CNTN6: variants seen among roughly 807,000 people sequenced by gnomAD.
CNTN6 encodes the protein contactin-6.
In CNTN6, 137 loss-of-function variants were observed where a neutral mutation model predicts 122.8. That is an observed-to-expected ratio of 1.12 (90% CI 0.97 to 1.29). The LOEUF (loss-of-function observed/expected upper bound fraction) is 1.29. Among genes scored for constraint, CNTN6 ranks in the 50% most tolerant of loss-of-function variants. The pLI is 0.00. For synonymous variants in CNTN6, 570 were observed against 426.0 expected (o/e 1.34, Z -4.16); for missense variants, 1,634 against 1,223.4 (o/e 1.34, Z -5.01).
intron 2 of CNTN6, among the ~76,000 whole-genome samples, chr3:1,211,608 C>T (rs1271299630): frequency 1.3e-5 from 2 of 152,086 alleles, no homozygotes; most frequent in Non-Finnish European, 2.9e-5. Flanking sequence ...AGCCTCTCTC[C>T]TCTAAATTAC....
At chr3:1,294,805 C>CCCTATAATG (rs1347407861) in intron 5 of CNTN6, among the ~76,000 whole-genome samples, 1 of 152,140 alleles carries the variant, frequency 6.6e-6, no homozygotes, top group Non-Finnish European at 1.5e-5. Flanking sequence ...TCTCTGGGCT[C>CCCTATAATG]CCTATAATGC....
rs192390176 is a variant in CNTN6 at position 1,101,890 on chromosome 3, C to A, written c.-83+8770C>A. 2.5e-3 allele frequency among the ~76,000 whole-genome samples: 379 copies of A among 152,216 alleles called. 3 individuals carry two copies. The highest frequency in any genetic ancestry group is 8.3e-3 in the African/African-American group (345 of 41,520). On this transcript the variant is annotated intron_variant, in intron 1 of 22. Transcript: ENST00000446702. Reference sequence around the variant, plus strand: ...TATGCAAATTCTTAAAATCTAGAGGCAATTATTCAAAAACTTTGTTAGCAC... The same window carrying A: ...TATGCAAATTCTTAAAATCTAGAGGAAATTATTCAAAAACTTTGTTAGCAC...
intron 16 of CNTN6, among the ~76,000 whole-genome samples, chr3:1,375,390 A>C (rs970197617): frequency 6.6e-6 from 1 of 152,198 alleles, no homozygotes; most frequent in Admixed American, 6.6e-5. Context: ...CTGAAAACCT[A>C]CTGAGTCTCT....
chr3:1,381,455 A>G (rs1398429740), intron 17 of CNTN6, among the ~76,000 whole-genome samples: 1 of 152,098 alleles, frequency 6.6e-6, no homozygotes, highest in African/African-American at 2.4e-5. Flanking sequence ...GGTTTATTTT[A>G]AAGCTACATG....
intron 5 of CNTN6, among the ~76,000 whole-genome samples, chr3:1,292,278 C>G (rs1695454129): frequency 6.6e-6 from 1 of 152,128 alleles, no homozygotes; most frequent in African/African-American, 2.4e-5. Flanking sequence ...TCAATGTAAA[C>G]AGACAGCTGT....
chr3:1,250,988 A>G lies in CNTN6; in HGVS notation c.358+22995A>G, dbSNP rs374930984. ...ATCATGCCATTAGCCCGCACTACTCATAACTTCTCTTTGTTGCAATCATAT... is the reference window on the plus strand; with the variant it reads ...ATCATGCCATTAGCCCGCACTACTCGTAACTTCTCTTTGTTGCAATCATAT... On this transcript the variant is annotated intron_variant, in intron 4 of 22. Transcript: ENST00000446702. Among the ~76,000 whole-genome samples the G allele has an allele frequency of 3.9e-5, 6 of 152,084 alleles. No individual in the cohort carries two copies. The East Asian group carries it at 7.7e-4, about 20-fold the overall frequency.
intron 3 of CNTN6, among the ~76,000 whole-genome samples, chr3:1,221,741 A>T (rs1280926800): frequency 1.3e-5 from 2 of 152,194 alleles, no homozygotes; most frequent in Non-Finnish European, 2.9e-5. Context: ...TACTACAGAT[A>T]TTTAGTTAGT....
intron 11 of CNTN6, among the ~76,000 whole-genome samples, chr3:1,345,309 T>A (rs149566614): frequency 0.018 from 2,805 of 151,838 alleles, 40 homozygotes; most frequent in Non-Finnish European, 0.026. Context: ...ACAGACGGGG[T>A]TTCACCATAT....
intron 1 of CNTN6, among the ~76,000 whole-genome samples, chr3:1,118,149 G>A (rs374187151): frequency 2.0e-5 from 3 of 152,264 alleles, no homozygotes; most frequent in East Asian, 3.9e-4. Flanking sequence ...GTTGTTAAAT[G>A]CCAGCATACG....
chr3:1,255,844 T>TTTTTA (rs1204147571), intron 4 of CNTN6, among the ~76,000 whole-genome samples: 3 of 151,848 alleles, frequency 2.0e-5, no homozygotes, highest in East Asian at 3.9e-4. Context: ...ACTGGCTAAT[T>TTTTTA]TTTTATTTTA....
At chr3:1,321,628 C>A (rs897769709) in intron 7 of CNTN6, 22 bp from the exon 8 acceptor site, 1 of 1,576,708 alleles carries the variant, frequency 6.3e-7, no homozygotes. Flanking sequence ...GTCTTCTATT[C>A]TAATGAGGTG....
intron 5 of CNTN6, among the ~76,000 whole-genome samples, chr3:1,290,184 A>G (rs1695099987): frequency 6.6e-6 from 1 of 152,234 alleles, no homozygotes; most frequent in Non-Finnish European, 1.5e-5. Context: ...CCTCTGCTTC[A>G]GAGAGGCCCA....
chr3:1,152,671 G>A lies in CNTN6; in HGVS notation c.55+4608G>A, dbSNP rs568334165. On this transcript the variant is annotated intron_variant, in intron 2 of 22. Transcript: ENST00000446702. Reference sequence around the variant, plus strand: ...TTACCATGGCTTTTATGTACAATTTGAAAAATATTAGACAGATTTCAAAAT... The same window carrying A: ...TTACCATGGCTTTTATGTACAATTTAAAAAATATTAGACAGATTTCAAAAT... Among the ~76,000 whole-genome samples, 5 of 152,094 alleles carry A rather than the reference G, an allele frequency of 3.3e-5. No individual in the cohort carries two copies. The South Asian group carries it at 1.0e-3, about 32-fold the overall frequency.
chr3:1,329,426 C>T (rs1701986835), intron 10 of CNTN6, among the ~76,000 whole-genome samples: 1 of 151,544 alleles, frequency 6.6e-6, no homozygotes, highest in Non-Finnish European at 1.5e-5. Flanking sequence ...TCTAACTTGC[C>T]TCCTCTCTAC....
chr3:1,102,113 A>G (rs569230568), intron 1 of CNTN6, among the ~76,000 whole-genome samples: 1 of 152,344 alleles, frequency 6.6e-6, no homozygotes, highest in African/African-American at 2.4e-5. Flanking sequence ...TGCATGTAAG[A>G]GGCCAACATG....
chr3:1,200,114 A>G (rs144230778), intron 2 of CNTN6, among the ~76,000 whole-genome samples: 349 of 152,230 alleles, frequency 2.3e-3, no homozygotes, highest in Middle Eastern at 0.014. Context: ...TGTCACTGCA[A>G]TGTTCACCTC....
intron 7 of CNTN6, among the ~76,000 whole-genome samples, chr3:1,302,827 C>CATG (rs773067802): frequency 3.2e-4 from 49 of 152,200 alleles, no homozygotes; most frequent in Non-Finnish European, 5.0e-4. Context: ...ACTATTCAGG[C>CATG]ATGATTACTT....
chr3:1,402,326 C>T lies in CNTN6; in HGVS notation c.2826C>T (p.Tyr942=). Residue 942 remains tyrosine (Y), a synonymous_variant, in exon 22 of 23, where the codon TAC becomes TAT. Coordinates refer to ENST00000446702, the MANE Select transcript of CNTN6 (RefSeq NM_001289080.2). The part of the protein sequence containing the change: ...ESEVLGYKIL[Y]RQNRQSKTHI... ...TACCTCATTTTATTCAGATTCTGTA[C>T]CGGCAAAACAGACAGAGTAAAACTC... The T allele has an allele frequency of 1.2e-6, 2 of 1,606,004 alleles. No individual in the cohort carries two copies. Among genetic ancestry groups the T allele is most frequent in the Non-Finnish European group, 1.7e-6 (2 of 1,175,798 alleles).
chr3:1,401,768 GA>G (rs578091220), intron 21 of CNTN6, among the ~76,000 whole-genome samples: 10 of 152,054 alleles, frequency 6.6e-5, no homozygotes, highest in African/African-American at 2.2e-4. Flanking sequence ...AATTCCATAG[GA>G]TGTAACATTT....
Sources: allele counts gnomAD v4.1 joint callset (sites outside exome capture counted in the v4.1 genomes callset), GRCh38; gene constraint gnomAD v4.1.1; transcripts MANE v1.5; gene names NCBI Gene and HGNC (gene_info 2026-07-23, HGNC 2026-07-21).